Variants in ALDH1A2 observed in about 807,000 individuals in gnomAD.
ALDH1A2 encodes the protein retinal dehydrogenase 2.
In ALDH1A2, 27 loss-of-function variants were observed where a neutral mutation model predicts 60.3. The ratio of observed to expected loss-of-function variants is 0.45; its 90% CI spans 0.33 to 0.62. The LOEUF is 0.62. ALDH1A2 is among the 20% of genes least tolerant of loss of function. ALDH1A2 has a pLI of 0.02. For synonymous variants in ALDH1A2, 289 were observed against 232.4 expected (o/e 1.24, Z -2.21); for missense variants, 581 against 643.8 (o/e 0.90, Z 1.06).
intron 4 of ALDH1A2, among the ~76,000 whole-genome samples, chr15:58,008,473 G>T (rs1376852597): frequency 1.3e-5 from 2 of 152,126 alleles, no homozygotes; most frequent in Admixed American, 1.3e-4. Context: ...GCCAGATCAA[G>T]TTACATTAAA....
rs1007645725 is a variant in ALDH1A2, at chr15:57,962,377, G to A, written c.1087-201C>T. 7.2e-5 allele frequency among the ~76,000 whole-genome samples: 11 copies of A among 152,138 alleles called. No individual in the cohort carries two copies. The East Asian group carries it at 7.7e-4, about 11-fold the overall frequency. ...GTATGGTTAATCCTAATATATCGACGATTCCAATAAATGTACTGCTCTGAT... is the reference window on the plus strand; with the variant it reads ...GTATGGTTAATCCTAATATATCGACAATTCCAATAAATGTACTGCTCTGAT... On this transcript the variant is annotated intron_variant, in intron 9 of 12. Coordinates refer to ENST00000249750, the MANE Select transcript of ALDH1A2 (RefSeq NM_003888.4).
intron 1 of ALDH1A2, among the ~76,000 whole-genome samples, chr15:58,047,987 GAGA>G (rs1220873364): frequency 2.0e-5 from 3 of 151,990 alleles, no homozygotes; most frequent in African/African-American, 7.2e-5. Flanking sequence ...AGCTTGCTTT[GAGA>G]AGGACTAATT....
intron 12 of ALDH1A2, among the ~76,000 whole-genome samples, chr15:57,958,953 A>G (rs1893632268): frequency 1.3e-5 from 2 of 152,172 alleles, no homozygotes; most frequent in African/African-American, 2.4e-5. Context: ...GTAGAGAGAA[A>G]TGGTTCTTCG....
chr15:58,010,569 C>A, intron 4 of ALDH1A2, 80 bp downstream of exon 4: 2 of 1,575,398 alleles, frequency 1.3e-6, no homozygotes, highest in South Asian at 2.3e-5. Flanking sequence ...TTCTGTGTGA[C>A]TGCTGTTTGT....
intron 3 of ALDH1A2, among the ~76,000 whole-genome samples, chr15:58,013,555 C>T (rs1226145574): frequency 6.6e-6 from 1 of 151,984 alleles, no homozygotes; most frequent in Non-Finnish European, 1.5e-5. Flanking sequence ...AGCTCAAGAC[C>T]AGCCTGACCA....
intron 1 of ALDH1A2, among the ~76,000 whole-genome samples, chr15:58,050,009 G>T (rs141159928): frequency 1.3e-5 from 2 of 151,984 alleles, no homozygotes; most frequent in Non-Finnish European, 2.9e-5. Flanking sequence ...TGGGTCTTGA[G>T]GGGGAAGGGG....
chr15:58,004,462 C>G (rs1403000590), intron 4 of ALDH1A2, among the ~76,000 whole-genome samples: 1 of 151,642 alleles, frequency 6.6e-6, no homozygotes, highest in East Asian at 2.0e-4. Context: ...GTTTTCAATC[C>G]TCAGCCCCCT....
chr15:58,042,625 C>T (rs776500723), intron 1 of ALDH1A2, among the ~76,000 whole-genome samples: 15 of 151,956 alleles, frequency 9.9e-5, no homozygotes, highest in Non-Finnish European at 2.1e-4. Flanking sequence ...TCTCAATCTA[C>T]AGTGAATACC....
intron 7 of ALDH1A2, among the ~76,000 whole-genome samples, chr15:57,981,527 C>T (rs753356071): frequency 3.3e-5 from 5 of 152,160 alleles, no homozygotes; most frequent in Non-Finnish European, 7.3e-5. Flanking sequence ...ATGCTTGGAA[C>T]TTTCAAATAC....
intron 1 of ALDH1A2, among the ~76,000 whole-genome samples, chr15:58,051,951 CA>C (rs1896787338): frequency 1.3e-5 from 2 of 152,078 alleles, no homozygotes; most frequent in Non-Finnish European, 2.9e-5. Flanking sequence ...GGAGAAATGA[CA>C]ACAAATATTT....
intron 12 of ALDH1A2, among the ~76,000 whole-genome samples, 187 bp downstream of exon 12, chr15:57,960,583 A>C (rs1303284471): frequency 2.6e-5 from 4 of 152,202 alleles, no homozygotes; most frequent in African/African-American, 9.6e-5. Context: ...TCACTTTGGG[A>C]AATGGAATTG....
At chr15:58,001,796 C>T (rs532994767) in intron 4 of ALDH1A2, among the ~76,000 whole-genome samples, 42 of 151,914 alleles carry the variant, frequency 2.8e-4, no homozygotes, top group Non-Finnish European at 4.4e-4. Context: ...TTTGGATCTT[C>T]TTAGCAAATA....
intron 1 of ALDH1A2, among the ~76,000 whole-genome samples, chr15:58,017,253 C>G (rs1361085470): frequency 1.3e-5 from 2 of 152,162 alleles, no homozygotes; most frequent in African/African-American, 2.4e-5. Context: ...GATAAAAGGA[C>G]ATATGACAAT....
intron 12 of ALDH1A2, among the ~76,000 whole-genome samples, chr15:57,955,470 GAA>G (rs1198931346): frequency 8.0e-6 from 1 of 124,302 alleles, no homozygotes; most frequent in Admixed American, 8.2e-5. Flanking sequence ...AGTTTTTAAA[GAA>G]GTTTTTTTAA....
intron 1 of ALDH1A2, among the ~76,000 whole-genome samples, chr15:58,049,476 C>A (rs1896719695): frequency 6.6e-6 from 1 of 152,096 alleles, no homozygotes; most frequent in Admixed American, 6.6e-5. Flanking sequence ...CATTCTGATT[C>A]TGAATATAAG....
At chr15:58,007,877 G>C (rs1895510061) in intron 4 of ALDH1A2, among the ~76,000 whole-genome samples, 1 of 151,620 alleles carries the variant, frequency 6.6e-6, no homozygotes. Context: ...AATACAAATG[G>C]ATTAATTTAC....
At chr15:58,000,451 T>C (rs964876484) in intron 4 of ALDH1A2, among the ~76,000 whole-genome samples, 3 of 151,994 alleles carry the variant, frequency 2.0e-5, no homozygotes, top group Admixed American at 6.6e-5. Context: ...TCATAATTTT[T>C]GCCATTTCCA....
intron 7 of ALDH1A2, among the ~76,000 whole-genome samples, chr15:57,972,552 G>A (rs566287876): frequency 6.6e-6 from 1 of 152,180 alleles, no homozygotes; most frequent in South Asian, 2.1e-4. Flanking sequence ...AACTCAGCCT[G>A]AGTTTTGGGG....
intron 7 of ALDH1A2, among the ~76,000 whole-genome samples, chr15:57,974,719 G>A (rs1894189145): frequency 6.6e-6 from 1 of 152,126 alleles, no homozygotes; most frequent in Non-Finnish European, 1.5e-5. Context: ...GTTAGGCAAA[G>A]ATTTCTTAGA....
Sources: allele counts gnomAD v4.1 joint callset (sites outside exome capture counted in the v4.1 genomes callset), GRCh38; gene constraint gnomAD v4.1.1; transcripts MANE v1.5; gene names NCBI Gene and HGNC (gene_info 2026-07-23, HGNC 2026-07-21).